Variants in NRXN3 observed in about 807,000 individuals in gnomAD.
The protein encoded by NRXN3 is neurexin 3, also known as neurexin III.
NRXN3 carries 32 observed loss-of-function variants against 137.6 expected under a neutral mutation model. The ratio of observed to expected loss-of-function variants is 0.23; its 90% CI spans 0.18 to 0.31. The LOEUF (loss-of-function observed/expected upper bound fraction) is 0.31. NRXN3 is among the 10% of genes least tolerant of loss of function. The pLI is 1.00. For missense variants in NRXN3, 1,574 were observed against 2,062.5 expected, an observed-to-expected ratio of 0.76 and a Z score of 4.59; for synonymous variants, 798 against 784.5, an observed-to-expected ratio of 1.02 and a Z score of -0.29.
At chr14:79,238,805 C>A (rs1310026935) in intron 15 of NRXN3, among the ~76,000 whole-genome samples, 2 of 152,014 alleles carry the variant, frequency 1.3e-5, no homozygotes, top group African/African-American at 4.8e-5. Flanking sequence ...ATTTGGAGAA[C>A]TGGGTGATCT....
At chr14:78,878,141 T>C (rs1478397282) in intron 10 of NRXN3, among the ~76,000 whole-genome samples, 1 of 152,130 alleles carries the variant, frequency 6.6e-6, no homozygotes, top group Non-Finnish European at 1.5e-5. Context: ...CTGTAGCTAC[T>C]GGGTGAAATT....
intron 3 of NRXN3, among the ~76,000 whole-genome samples, chr14:78,281,185 C>T (rs377095662): frequency 2.6e-5 from 4 of 152,292 alleles, no homozygotes; most frequent in East Asian, 1.9e-4. Flanking sequence ...GTGGCCTGAG[C>T]GTGCCCGGCC....
chr14:78,202,128 G>A (rs1057085702), intron 1 of NRXN3, among the ~76,000 whole-genome samples: 5 of 152,216 alleles, frequency 3.3e-5, no homozygotes, highest in Admixed American at 1.3e-4. Context: ...TGGGTGAGCC[G>A]CGGCATGCCT....
chr14:79,054,731 G>C (rs2099653487), intron 15 of NRXN3, among the ~76,000 whole-genome samples: 1 of 152,234 alleles, frequency 6.6e-6, no homozygotes, highest in Non-Finnish European at 1.5e-5. Flanking sequence ...TTTCCTTTAA[G>C]AATCCTAGGC....
At chr14:78,884,883 T>C (rs973479800) in intron 10 of NRXN3, among the ~76,000 whole-genome samples, 2 of 152,224 alleles carry the variant, frequency 1.3e-5, no homozygotes, top group East Asian at 1.9e-4. Flanking sequence ...TAATAGTACC[T>C]ATTACCTAGA....
chr14:78,661,695 G>A (rs922225444), intron 6 of NRXN3, among the ~76,000 whole-genome samples: 2 of 152,208 alleles, frequency 1.3e-5, no homozygotes, highest in African/African-American at 4.8e-5. Context: ...TGGAGTTAGA[G>A]TTTCTGGCTG....
At chr14:79,122,649 G>A (rs1440889446) in intron 15 of NRXN3, among the ~76,000 whole-genome samples, 3 of 151,964 alleles carry the variant, frequency 2.0e-5, no homozygotes, top group African/African-American at 7.2e-5. Context: ...CTTGGAATAT[G>A]TAGTGATTAG....
chr14:78,973,656 T>G (rs1198300825), intron 14 of NRXN3, among the ~76,000 whole-genome samples: 1 of 152,160 alleles, frequency 6.6e-6, no homozygotes, highest in Non-Finnish European at 1.5e-5. Context: ...CAGAAACTAC[T>G]TCATCCACTA....
chr14:79,063,281 T>G (rs1228867361), intron 15 of NRXN3, among the ~76,000 whole-genome samples: 1 of 152,108 alleles, frequency 6.6e-6, no homozygotes, highest in East Asian at 1.9e-4. Context: ...TATGTTTTTT[T>G]GTTTTTTGTT....
intron 16 of NRXN3, among the ~76,000 whole-genome samples, chr14:79,510,031 A>C (rs1198675525): frequency 6.6e-6 from 1 of 152,198 alleles, no homozygotes; most frequent in Non-Finnish European, 1.5e-5. Flanking sequence ...ATACCTATGT[A>C]CATCACAGTC....
intron 4 of NRXN3, among the ~76,000 whole-genome samples, chr14:78,312,499 C>G (rs1039323203): frequency 2.6e-5 from 4 of 152,168 alleles, no homozygotes; most frequent in Non-Finnish European, 5.9e-5. Flanking sequence ...GATTTACAAA[C>G]TGTTGCTTAA....
chr14:79,205,818 C>A (rs752043573), intron 15 of NRXN3, among the ~76,000 whole-genome samples: 3 of 152,128 alleles, frequency 2.0e-5, no homozygotes, highest in African/African-American at 4.8e-5. Flanking sequence ...TGACAGCTGA[C>A]TTTTCTTCTA....
intron 4 of NRXN3, among the ~76,000 whole-genome samples, chr14:78,485,417 A>G (rs997353122): frequency 1.8e-4 from 28 of 152,276 alleles, no homozygotes; most frequent in African/African-American, 6.5e-4. Context: ...TGTCTTTTAT[A>G]TCGTCTTCAG....
intron 10 of NRXN3, among the ~76,000 whole-genome samples, chr14:78,939,374 G>A (rs556852560): frequency 3.3e-4 from 50 of 152,346 alleles, no homozygotes; most frequent in African/African-American, 1.1e-3. Context: ...ACACAGGAGA[G>A]TGTGCAAGTG....
intron 17 of NRXN3, among the ~76,000 whole-genome samples, chr14:79,666,995 G>T (rs1036185678): frequency 6.6e-6 from 1 of 151,718 alleles, no homozygotes; most frequent in Non-Finnish European, 1.5e-5. Flanking sequence ...CCTAGGAGCG[G>T]TTCACTTTTT....
Position 79,569,602 on chromosome 14 carries a change from C to CGTGTGT in NRXN3, c.3445-94152_3445-94147dup, listed in dbSNP as rs3061386. 3.0e-3 allele frequency among the ~76,000 whole-genome samples: 440 copies of CGTGTGT among 145,604 alleles called. 1 individual carries two copies. The highest frequency in any genetic ancestry group is 9.0e-3 in the African/African-American group (355 of 39,468). The stretch of plus-strand genomic sequence containing the variant: ...AATTAATGGGCTTTTGAATGAGCAA[C>CGTGTGT]GTGTGTGTGTGTGTGTGTGTGTGTG... On this transcript the variant is annotated intron_variant, in intron 16 of 20. Coordinates refer to ENST00000335750, the MANE Select transcript of NRXN3 (RefSeq NM_001330195.2).
At chr14:79,143,934 C>T (rs1194635901) in intron 15 of NRXN3, among the ~76,000 whole-genome samples, 3 of 152,048 alleles carry the variant, frequency 2.0e-5, no homozygotes, top group Non-Finnish European at 4.4e-5. Flanking sequence ...TTACAGTCGT[C>T]CCATGCTTTC....
intron 16 of NRXN3, among the ~76,000 whole-genome samples, chr14:79,521,483 C>A (rs976000610): frequency 5.9e-5 from 9 of 151,994 alleles, no homozygotes; most frequent in African/African-American, 2.2e-4. Context: ...TGCTTTTTGA[C>A]CTATCATTTG....
intron 8 of NRXN3, among the ~76,000 whole-genome samples, chr14:78,768,948 A>T (rs1375543527): frequency 6.6e-6 from 1 of 152,144 alleles, no homozygotes; most frequent in Non-Finnish European, 1.5e-5. Flanking sequence ...TGATTAATTA[A>T]ATCATTGTCC....
Sources: allele counts gnomAD v4.1 joint callset (sites outside exome capture counted in the v4.1 genomes callset), GRCh38; gene constraint gnomAD v4.1.1; transcripts MANE v1.5; gene names NCBI Gene and HGNC (gene_info 2026-07-23, HGNC 2026-07-21).